The following ZFHX3 variants were observed in gnomAD, a reference collection of about 807,000 sequenced individuals.
The protein encoded by ZFHX3 is zinc finger homeobox 3, also known as zinc finger homeobox protein 3.
ZFHX3 carries 42 observed loss-of-function variants against 279.1 expected under a neutral mutation model. That is an observed-to-expected ratio of 0.15 (90% CI 0.12 to 0.19). ZFHX3 has a LOEUF of 0.19. Among genes scored for constraint, ZFHX3 ranks in the 10% least tolerant of loss-of-function variants. The pLI, the probability that ZFHX3 is intolerant of heterozygous loss-of-function variation, is 1.00. For missense variants in ZFHX3, 4,981 were observed against 4,754.0 expected, an observed-to-expected ratio of 1.05 and a Z score of -1.40; for synonymous variants, 2,293 against 1,957.8, an observed-to-expected ratio of 1.17 and a Z score of -4.52.
At chr16:73,472,275 A>AC (rs1014186631) in intron 2 of ZFHX3, among the ~76,000 whole-genome samples, 15 of 151,844 alleles carry the variant, frequency 9.9e-5, no homozygotes, top group African/African-American at 3.4e-4. Context: ...TCTTAAAAAA[A>AC]AAAAAAAAAA....
chr16:73,261,767 C>T (rs1420446267), intron 4 of ZFHX3, among the ~76,000 whole-genome samples: 1 of 151,252 alleles, frequency 6.6e-6, no homozygotes, highest in Non-Finnish European at 1.5e-5. Context: ...CTTCCGCCTC[C>T]CGGGTTCAAG....
chr16:73,810,064 A>G (rs189710893), intron 1 of ZFHX3, among the ~76,000 whole-genome samples: 20 of 152,302 alleles, frequency 1.3e-4, no homozygotes, highest in Admixed American at 1.1e-3. Context: ...TGGCCTTAGG[A>G]TGAAGTCCTG....
At chr16:73,204,274 T>C (rs940522799) in intron 5 of ZFHX3, among the ~76,000 whole-genome samples, 24 of 150,372 alleles carry the variant, frequency 1.6e-4, no homozygotes, top group Non-Finnish European at 3.0e-4. Flanking sequence ...TTATAGAAAT[T>C]ATTATTTCTA....
Position 73,447,657 on chromosome 16 carries a change from C to T in ZFHX3, c.-1291+8346G>A, listed in dbSNP as rs562358424. Among the ~76,000 whole-genome samples the T allele has an allele frequency of 2.4e-4, 37 of 152,132 alleles. No homozygotes were observed. The South Asian group carries it at 4.0e-3, about 16-fold the overall frequency. The stretch of plus-strand genomic sequence containing the variant: ...CAGAGCAACTCTTCCCACTAAAGAC[C>T]CAATACAGACAACAGATAGAACACA... On this transcript the variant is annotated intron_variant, in intron 3 of 17. Coordinates refer to the ZFHX3 transcript ENST00000641206.
intron 3 of ZFHX3, among the ~76,000 whole-genome samples, chr16:73,427,353 G>A (rs2017827160): frequency 6.6e-6 from 1 of 152,088 alleles, no homozygotes; most frequent in African/African-American, 2.4e-5. Context: ...TCTCTCTGTG[G>A]GGATTTGCTA....
At chr16:72,862,371 C>T (rs1043883368) in intron 4 of ZFHX3, among the ~76,000 whole-genome samples, 1 of 152,180 alleles carries the variant, frequency 6.6e-6, no homozygotes, top group African/African-American at 2.4e-5. Context: ...CAGGTCACAG[C>T]CTAAATGTTA....
At chr16:73,185,809 C>T (rs577046884) in intron 5 of ZFHX3, among the ~76,000 whole-genome samples, 1 of 152,124 alleles carries the variant, frequency 6.6e-6, no homozygotes, top group Non-Finnish European at 1.5e-5. Context: ...GGTCCCCAAT[C>T]CCCGGGCCAC....
rs144872657 is a variant in ZFHX3 at position 73,683,186 on chromosome 16, A to G, written c.-1607-2946T>C. ...TAGTTCTATTTAAAAACCATCAGCG[A>G]TGTATATAATGGGTGAATGTACAAC... On this transcript the variant is annotated intron_variant, in intron 1 of 17. Coordinates refer to the ZFHX3 transcript ENST00000641206. Among the ~76,000 whole-genome samples the G allele has an allele frequency of 4.6e-5, 7 of 152,268 alleles. No homozygotes were observed. In the East Asian group the frequency reaches 1.4e-3, roughly 29 times the overall value.
intron 2 of ZFHX3, among the ~76,000 whole-genome samples, chr16:73,542,053 G>C (rs971508616): frequency 6.6e-6 from 1 of 151,880 alleles, no homozygotes; most frequent in Non-Finnish European, 1.5e-5. Flanking sequence ...GCCCACCTCG[G>C]CCTCCCAAAA....
chr16:73,105,529 A>G lies in ZFHX3; in HGVS notation c.-896-11931T>C, dbSNP rs901148337. The stretch of plus-strand genomic sequence containing the variant: ...CACTTTGGGAGGCAAAGACGGGCGG[A>G]TCACTTGAGGTCAGGAGTTTCAAGA... On this transcript the variant is annotated intron_variant, in intron 7 of 17. Coordinates refer to the ZFHX3 transcript ENST00000641206. 8.1e-4 allele frequency among the ~76,000 whole-genome samples: 122 copies of G among 151,452 alleles called. 1 individual carries two copies. Among genetic ancestry groups the G allele is most frequent in the African/African-American group, 2.8e-3 (114 of 41,250 alleles).
At chr16:72,898,448 C>T (rs530010002) in intron 3 of ZFHX3, among the ~76,000 whole-genome samples, 1 of 152,314 alleles carries the variant, frequency 6.6e-6, no homozygotes, top group Admixed American at 6.5e-5. Context: ...GCACGAATCA[C>T]ATTTCCTGAT....
At chr16:72,862,616 A>G (rs1467447554) in intron 4 of ZFHX3, among the ~76,000 whole-genome samples, 1 of 152,208 alleles carries the variant, frequency 6.6e-6, no homozygotes, top group African/African-American at 2.4e-5. Flanking sequence ...GATCAGATAC[A>G]CTGACTAACA....
intron 2 of ZFHX3, among the ~76,000 whole-genome samples, chr16:72,955,013 C>G (rs547783219): frequency 3.3e-5 from 5 of 152,310 alleles, no homozygotes; most frequent in Admixed American, 1.3e-4. Flanking sequence ...ACAGCTAGAA[C>G]TGAAAGTTAT....
At chr16:73,691,472 C>A (rs190253984) in intron 1 of ZFHX3, among the ~76,000 whole-genome samples, 6 of 152,276 alleles carry the variant, frequency 3.9e-5, no homozygotes, top group Admixed American at 3.3e-4. Flanking sequence ...TAGAATAAGA[C>A]AAATATGGAT....
intron 4 of ZFHX3, 106 bp downstream of exon 4, chr16:72,889,625 C>A: frequency 1.9e-6 from 2 of 1,070,998 alleles, no homozygotes; most frequent in Admixed American, 5.2e-5. Flanking sequence ...AACATGAGGA[C>A]CAGCTGGATC....
chr16:73,250,418 T>A (rs571942795), intron 5 of ZFHX3, among the ~76,000 whole-genome samples: 3 of 152,366 alleles, frequency 2.0e-5, no homozygotes, highest in Non-Finnish European at 4.4e-5. Flanking sequence ...AACATTTATA[T>A]AACATAAAAT....
intron 2 of ZFHX3, among the ~76,000 whole-genome samples, chr16:73,534,931 A>T (rs1279714072): frequency 6.6e-6 from 1 of 152,154 alleles, no homozygotes; most frequent in Non-Finnish European, 1.5e-5. Context: ...ATGGAGTGGG[A>T]TGCTGTTAGT....
chr16:73,551,833 T>C (rs2020208278), intron 2 of ZFHX3, among the ~76,000 whole-genome samples: 1 of 152,210 alleles, frequency 6.6e-6, no homozygotes, highest in Non-Finnish European at 1.5e-5. Flanking sequence ...AGGGAGTTTA[T>C]ATTTTGGTAT....
At chr16:72,955,403 T>TCACAGA (rs1228835931) in intron 2 of ZFHX3, among the ~76,000 whole-genome samples, 1 of 152,182 alleles carries the variant, frequency 6.6e-6, no homozygotes, top group Non-Finnish European at 1.5e-5. Flanking sequence ...CCCCAAAGAC[T>TCACAGA]CACAGACACT....
Sources: allele counts gnomAD v4.1 joint callset (sites outside exome capture counted in the v4.1 genomes callset), GRCh38; gene constraint gnomAD v4.1.1; transcripts MANE v1.5; gene names NCBI Gene and HGNC (gene_info 2026-07-23, HGNC 2026-07-21).